Variants in AOAH observed in about 807,000 individuals in gnomAD.
AOAH encodes acyloxyacyl hydrolase, also known as acyloxyacyl hydrolase (neutrophil).
AOAH carries 64 observed loss-of-function variants against 92.2 expected under a neutral mutation model. The observed-to-expected ratio is 0.69, with a 90% CI of 0.57 to 0.86. The LOEUF is 0.86. AOAH is among the 40% of genes least tolerant of loss of function. AOAH has a pLI of 0.00. For missense variants in AOAH, 656 were observed against 694.6 expected, an observed-to-expected ratio of 0.94 and a Z score of 0.62; for synonymous variants, 263 against 254.5, an observed-to-expected ratio of 1.03 and a Z score of -0.32.
In AOAH at chr7:36,533,678, C is replaced by CGT. The variant is rs5883560; in HGVS notation, c.1307-1336_1307-1335dup. On this transcript the variant is annotated intron_variant, in intron 16 of 20. Coordinates refer to ENST00000617537, the MANE Select transcript of AOAH (RefSeq NM_001637.4). ...GGATTTGTTCCCTCTATTTTGTGTGCGTGTGTGTGTGTGTGTGTGTGTTTG... is the reference window on the plus strand; with the variant it reads ...GGATTTGTTCCCTCTATTTTGTGTGCGTGTGTGTGTGTGTGTGTGTGTGTTTG... Among the ~76,000 whole-genome samples the CGT allele has an allele frequency of 4.2e-3, 621 of 149,292 alleles. 2 individuals carry two copies. Among genetic ancestry groups the CGT allele is most frequent in the African/African-American group, 0.012 (472 of 40,756 alleles).
At chr7:36,699,952 C>T (rs1485459755) in intron 1 of AOAH, among the ~76,000 whole-genome samples, 1 of 151,914 alleles carries the variant, frequency 6.6e-6, no homozygotes, top group East Asian at 1.9e-4. Flanking sequence ...AGTTTTTAAT[C>T]CATTTTGATT....
intron 13 of AOAH, among the ~76,000 whole-genome samples, chr7:36,567,515 C>T (rs544400609): frequency 5.9e-5 from 9 of 152,112 alleles, no homozygotes; most frequent in Non-Finnish European, 1.3e-4. Context: ...AGAGAAGATA[C>T]TTAGTATTAG....
chr7:36,646,598 G>A (rs545409788), intron 4 of AOAH, among the ~76,000 whole-genome samples: 3 of 152,282 alleles, frequency 2.0e-5, no homozygotes, highest in South Asian at 2.1e-4. Context: ...GACCGTAAAC[G>A]TAGTGGCTGA....
intron 1 of AOAH, among the ~76,000 whole-genome samples, chr7:36,711,850 C>A (rs546132491): frequency 6.6e-5 from 10 of 152,204 alleles, no homozygotes; most frequent in African/African-American, 9.6e-5. Context: ...CACTTGCTGG[C>A]GCTCTTAGGG....
chr7:36,550,008 T>C (rs1365022174), intron 13 of AOAH: 1 of 153,338 alleles, frequency 6.5e-6, no homozygotes, highest in African/African-American at 2.4e-5. Context: ...CTTGTAATGA[T>C]ATGCATGACC....
chr7:36,699,335 A>G (rs975648536), intron 1 of AOAH, among the ~76,000 whole-genome samples: 10 of 152,002 alleles, frequency 6.6e-5, no homozygotes, highest in Non-Finnish European at 1.2e-4. Flanking sequence ...AGTGGAATTG[A>G]TGGATCGTAT....
rs59205788 is a variant in AOAH at position 36,517,214 on chromosome 7, C to CTTTCTTTCTTTCTTTTT, written c.1600-3835_1600-3834insAAAAAGAAAGAAAGAAA. ...TCTTTCTTTCTTTCTTTCTTTCTTT[C>CTTTCTTTCTTTCTTTTT]TCTTTCTTTCTGTCTCTCTCTCTCT... is the stretch of plus-strand genomic sequence containing the variant. On this transcript the variant is annotated intron_variant, in intron 20 of 20. Transcript: ENST00000617537. Among the ~76,000 whole-genome samples the CTTTCTTTCTTTCTTTTT allele has an allele frequency of 1.9e-5, 2 of 104,830 alleles. 1 individual carries two copies. Among genetic ancestry groups the CTTTCTTTCTTTCTTTTT allele is most frequent in the South Asian group, 6.7e-4 (2 of 2,966 alleles). 68.8% of individuals were successfully genotyped at this position (104,830 alleles called of 152,430 possible). A position where few individuals can be genotyped will look rare whatever the true frequency, so the allele number is the denominator to read the frequency against.
At chr7:36,678,827 A>G (rs920467353) in intron 2 of AOAH, among the ~76,000 whole-genome samples, 2 of 152,210 alleles carry the variant, frequency 1.3e-5, no homozygotes. Context: ...CAAAATCTCC[A>G]GAAAGAGCCA....
chr7:36,627,239 G>A (rs985543100), intron 6 of AOAH, among the ~76,000 whole-genome samples: 1 of 152,078 alleles, frequency 6.6e-6, no homozygotes, highest in Non-Finnish European at 1.5e-5. Flanking sequence ...TGCATGTAGA[G>A]AGGAAAAAAA....
chr7:36,559,325 T>G (rs1787084615), intron 13 of AOAH, among the ~76,000 whole-genome samples: 1 of 152,222 alleles, frequency 6.6e-6, no homozygotes, highest in Non-Finnish European at 1.5e-5. Context: ...ATCTCCAAAC[T>G]GCTTTCCACA....
chr7:36,606,578 C>T (rs1268116091), intron 11 of AOAH, among the ~76,000 whole-genome samples: 1 of 152,172 alleles, frequency 6.6e-6, no homozygotes, highest in African/African-American at 2.4e-5. Context: ...CCCCCTCCCC[C>T]AACCTGTCAT....
chr7:36,652,593 G>C (rs949126666), intron 4 of AOAH, among the ~76,000 whole-genome samples: 8 of 152,212 alleles, frequency 5.3e-5, no homozygotes. Context: ...CCCTTTCACC[G>C]AGTGATGAAG....
intron 2 of AOAH, among the ~76,000 whole-genome samples, chr7:36,675,096 A>C (rs1048115237): frequency 5.9e-5 from 9 of 152,182 alleles, no homozygotes; most frequent in African/African-American, 1.4e-4. Context: ...CTCTCCTAAA[A>C]ACACAAAAAA....
chr7:36,620,909 A>G, intron 8 of AOAH, 80 bp from the exon 9 acceptor site: 1 of 1,245,934 alleles, frequency 8.0e-7, no homozygotes, highest in Non-Finnish European at 1.2e-6. Flanking sequence ...GAATGAATGA[A>G]TGAATGAATG....
chr7:36,515,915 C>T (rs1783662119), intron 20 of AOAH, among the ~76,000 whole-genome samples: 2 of 142,618 alleles, frequency 1.4e-5, no homozygotes, highest in Non-Finnish European at 3.1e-5. Flanking sequence ...CAACCCCACA[C>T]CACACACATA....
chr7:36,579,261 TCCAGCCCAGC>T (rs561013959), intron 12 of AOAH, among the ~76,000 whole-genome samples: 8 of 151,906 alleles, frequency 5.3e-5, no homozygotes, highest in East Asian at 3.9e-4. Context: ...TCTTGGATTC[TCCAGCCCAGC>T]CCAGCCCAGC....
At chr7:36,609,559 G>A (rs1791274418) in intron 11 of AOAH, among the ~76,000 whole-genome samples, 1 of 152,080 alleles carries the variant, frequency 6.6e-6, no homozygotes. Context: ...TCAAGCCTTT[G>A]CACGTACTCT....
intron 12 of AOAH, among the ~76,000 whole-genome samples, chr7:36,578,610 C>T (rs183332208): frequency 6.6e-6 from 1 of 152,310 alleles, no homozygotes; most frequent in East Asian, 1.9e-4. Context: ...CTCCTCATCT[C>T]TAAGTAACAT....
intron 4 of AOAH, among the ~76,000 whole-genome samples, chr7:36,645,570 CATGTCTAGCCTTTGAGT>C (rs1794176370): frequency 6.6e-6 from 1 of 152,120 alleles, no homozygotes; most frequent in Non-Finnish European, 1.5e-5. Context: ...CAAATAGTGG[CATGTCTAGCCTTTGAGT>C]GAAATTTGCA....
Sources: gnomAD v4.1 joint callset for allele counts (sites outside exome capture counted in the v4.1 genomes callset) on GRCh38, gnomAD v4.1.1 for gene constraint, MANE v1.5 for transcripts, NCBI Gene and HGNC (gene_info 2026-07-23, HGNC 2026-07-21) for gene names.